Variants in ZNF470 observed in about 807,000 individuals in gnomAD.
ZNF470 encodes the protein zinc finger protein 470.
A neutral mutation model predicts 13.9 loss-of-function variants in ZNF470; 13 were observed. The ratio of observed to expected loss-of-function variants is 0.94; its 90% CI spans 0.61 to 1.49. The LOEUF (loss-of-function observed/expected upper bound fraction) is 1.49, where lower values mean the gene tolerates loss of function less well. Among genes scored for constraint, ZNF470 ranks in the 40% most tolerant of loss-of-function variants. The pLI, the probability that ZNF470 is intolerant of heterozygous loss-of-function variation, is 0.00. For missense variants in ZNF470, 929 were observed against 857.3 expected, an observed-to-expected ratio of 1.08 and a Z score of -1.04; for synonymous variants, 293 against 282.9, an observed-to-expected ratio of 1.04 and a Z score of -0.36.
rs2044513089 is a variant in ZNF470, at chr19:56,578,716, A to C, written c.*133A>C. The C allele has an allele frequency of 7.6e-7, 1 of 1,308,718 alleles. No homozygotes were observed. Among genetic ancestry groups the C allele is most frequent in the African/African-American group, 1.5e-5 (1 of 67,958 alleles). 81.1% of individuals were successfully genotyped at this position (1,308,718 alleles called of 1,614,324 possible). On this transcript the variant is annotated 3_prime_UTR_variant, in exon 6 of 6. Transcript: ENST00000330619. Reference sequence around the variant, plus strand: ...ACTGTTGCCCCTTTTGCTTCTATCAACTACATGTTTAACACTGTAGGCAGC... The same window carrying C: ...ACTGTTGCCCCTTTTGCTTCTATCACCTACATGTTTAACACTGTAGGCAGC...
Position 56,578,239 on chromosome 19 carries a change from C to G in ZNF470, c.1810C>G (p.Gln604Glu). Reference sequence around the variant, plus strand: ...TCTTGAATGTGGGAAGGCATTCAGGCAGAGGGCATCCTTGATTTGTCATCA... The same window carrying G: ...TCTTGAATGTGGGAAGGCATTCAGGGAGAGGGCATCCTTGATTTGTCATCA... ...ECLECGKAFR[Q>E]RASLICHQRC... The change falls in exon 6 of 6, where the codon CAG becomes GAG. Residue 604 changes from glutamine to glutamate, a missense_variant. Physicochemically the swap from Gln to Glu is conservative, Grantham distance 29. Transcript: ENST00000330619. 1 of 1,613,780 alleles carries G rather than the reference C, an allele frequency of 6.2e-7. No individual in the cohort carries two copies. The highest frequency in any genetic ancestry group is 8.5e-7 in the Non-Finnish European group (1 of 1,179,842).
In ZNF470 at chr19:56,570,132, A is replaced by G. The variant is rs765851481; in HGVS notation, c.-32-148A>G. Reference sequence around the variant, plus strand: ...GAGGGGAACCCCAGCTATATATTTCAAGTCTCCCAAAGAGCATCAGGACTG... The same window carrying G: ...GAGGGGAACCCCAGCTATATATTTCGAGTCTCCCAAAGAGCATCAGGACTG... On this transcript the variant is annotated intron_variant, in intron 2 of 5. Coordinates refer to ENST00000330619, the MANE Select transcript of ZNF470 (RefSeq NM_001001668.4). The G allele has an allele frequency of 3.5e-4, 204 of 588,184 alleles. 2 individuals are homozygous for G. The highest frequency in any genetic ancestry group is 4.5e-4 in the Middle Eastern group (1 of 2,202). The allele number at this position is 588,184 out of a possible 1,614,324, so 36.4% of individuals were successfully genotyped here. A position where few individuals can be genotyped will look rare whatever the true frequency, so the allele number is the denominator to read the frequency against.
Position 56,581,089 on chromosome 19 carries a change from A to G in ZNF470, c.*2506A>G. The G allele has an allele frequency of 8.1e-6, 8 of 982,044 alleles. No individual in the cohort carries two copies. Among genetic ancestry groups the G allele is most frequent in the Non-Finnish European group, 9.7e-6 (8 of 826,846 alleles). 60.8% of individuals were successfully genotyped at this position (982,044 alleles called of 1,614,324 possible). A position where few individuals can be genotyped will look rare whatever the true frequency, so the allele number is the denominator to read the frequency against. ...GTGGAAAACATCATAGTCAATAGAT[A>G]AATGAGAGACTGACACAAAGTGTTT... On this transcript the variant is annotated 3_prime_UTR_variant, in exon 6 of 6. Coordinates refer to ENST00000330619, the MANE Select transcript of ZNF470 (RefSeq NM_001001668.4).
chr19:56,571,864 A>G (rs567896777), intron 3 of ZNF470, among the ~76,000 whole-genome samples: 4 of 150,768 alleles, frequency 2.7e-5, no homozygotes, highest in Non-Finnish European at 5.9e-5. Flanking sequence ...GTGATCTGCC[A>G]GCTTTGGCCT....
intron 5 of ZNF470, among the ~76,000 whole-genome samples, chr19:56,576,292 C>T (rs1275079117): frequency 6.6e-6 from 1 of 152,018 alleles, no homozygotes; most frequent in Non-Finnish European, 1.5e-5. Context: ...CTGCCTCCCC[C>T]AAGAAAAGAA....
chr19:56,570,772 AC>A (rs756071355), intron 3 of ZNF470, among the ~76,000 whole-genome samples: 3 of 152,288 alleles, frequency 2.0e-5, no homozygotes, highest in Non-Finnish European at 4.4e-5. Context: ...GCAAACACTT[AC>A]GCAGTGTGAG....
rs1205502253 is a variant in ZNF470, at chr19:56,577,560, C to T, written c.1131C>T (p.Phe377=). The T allele has an allele frequency of 1.2e-5, 20 of 1,613,994 alleles. No homozygotes were observed. The highest frequency in any genetic ancestry group is 1.7e-5 in the Non-Finnish European group (20 of 1,180,020). The part of the protein sequence containing the change: ...PYECIDCGKA[F]RQNASLIRHR... The stretch of plus-strand genomic sequence containing the variant: ...AATGTATTGACTGTGGGAAAGCTTT[C>T]AGGCAGAATGCTTCTCTTATACGTC... The change falls in exon 6 of 6, where the codon TTC becomes TTT. Residue 377 remains phenylalanine (F), a synonymous_variant. Transcript: ENST00000330619.
intron 2 of ZNF470, 116 bp from the exon 3 acceptor site, chr19:56,570,164 G>C: frequency 8.9e-6 from 6 of 676,516 alleles, no homozygotes; most frequent in Non-Finnish European, 2.6e-6. Context: ...ACTGTGGGGT[G>C]GGGGAGTTGG....
Position 56,582,449 on chromosome 19 carries a change from A to G in ZNF470, c.*3866A>G. On this transcript the variant is annotated 3_prime_UTR_variant, in exon 6 of 6. Coordinates refer to ENST00000330619, the MANE Select transcript of ZNF470 (RefSeq NM_001001668.4). Reference sequence around the variant, plus strand: ...ATAACCAAATTTAGAGACTATTTTTATGCATTGTTAAAGTGGAATGCTGGT... The same window carrying G: ...ATAACCAAATTTAGAGACTATTTTTGTGCATTGTTAAAGTGGAATGCTGGT... The G allele has an allele frequency of 1.0e-6, 1 of 985,420 alleles. No homozygotes were observed. Among genetic ancestry groups the G allele is most frequent in the Non-Finnish European group, 1.2e-6 (1 of 829,916 alleles). 61.0% of individuals were successfully genotyped at this position (985,420 alleles called of 1,614,324 possible).
rs1204129285 is a variant in ZNF470 at position 56,568,790 on chromosome 19, A to T, written c.-126A>T. On this transcript the variant is annotated 5_prime_UTR_variant, in exon 2 of 6. An upstream open reading frame in the 5' UTR loses its in-frame stop. Coordinates refer to ENST00000330619, the MANE Select transcript of ZNF470 (RefSeq NM_001001668.4). ...CACAGAAGCATAGAGAGGATAAGTAATCACTAGCAAGTGGAAGAACCGGGA... is the reference window on the plus strand; with the variant it reads ...CACAGAAGCATAGAGAGGATAAGTATTCACTAGCAAGTGGAAGAACCGGGA... The T allele has an allele frequency of 1.3e-5, 2 of 152,204 alleles. No homozygotes were observed. Among genetic ancestry groups the T allele is most frequent in the Non-Finnish European group, 2.9e-5 (2 of 68,044 alleles). 9.4% of individuals were successfully genotyped at this position (152,204 alleles called of 1,614,324 possible). A position where few individuals can be genotyped will look rare whatever the true frequency, so the allele number is the denominator to read the frequency against.
chr19:56,576,337 T>C (rs561198422), intron 5 of ZNF470, among the ~76,000 whole-genome samples: 4 of 152,146 alleles, frequency 2.6e-5, no homozygotes, highest in Admixed American at 6.5e-5. Flanking sequence ...AGGAAAAATA[T>C]CATCAATGTT....
chr19:56,574,088 A>G (rs114517074), intron 3 of ZNF470: 335 of 386,038 alleles, frequency 8.7e-4, no homozygotes, highest in Middle Eastern at 1.3e-3. Flanking sequence ...TTGCGTTAGC[A>G]CTTGATTATA....
At chr19:56,572,541 C>CCA (rs1431449499) in intron 3 of ZNF470, among the ~76,000 whole-genome samples, 3 of 87,266 alleles carry the variant, frequency 3.4e-5, no homozygotes, top group African/African-American at 1.5e-4. Context: ...GACCCTGTCT[C>CCA]AAAAAAAAAA....
chr19:56,570,602 A>G (rs2044445332), intron 3 of ZNF470, among the ~76,000 whole-genome samples: 1 of 152,230 alleles, frequency 6.6e-6, no homozygotes, highest in South Asian at 2.1e-4. Context: ...TTTTTCATTC[A>G]GGAAATGACC....
At chr19:56,570,001 T>G (rs932347773) in intron 2 of ZNF470, among the ~76,000 whole-genome samples, 2 of 59,036 alleles carry the variant, frequency 3.4e-5, no homozygotes, top group African/African-American at 1.7e-4. Flanking sequence ...AAAAAAAAAA[T>G]GTACACACAC....
At chr19:56,576,359 T>C (rs2044488289) in intron 5 of ZNF470, among the ~76,000 whole-genome samples, 1 of 152,152 alleles carries the variant, frequency 6.6e-6, no homozygotes, top group Non-Finnish European at 1.5e-5. Context: ...TTTAAATTGT[T>C]CTGGGATAGA....
Position 56,578,326 on chromosome 19 carries a change from C to G in ZNF470, c.1897C>G (p.Arg633Gly). 6.2e-7 allele frequency: 1 copy of G among 1,612,430 alleles called. No individual in the cohort carries two copies. Among genetic ancestry groups the G allele is most frequent in the Non-Finnish European group, 8.5e-7 (1 of 1,179,214 alleles). ...TGTTTGTGGGAAAGCCTTTAGCCAT[C>G]GTAAATCCCTTACTCTGCATCAGAG... ...CNVCGKAFSH[R>G]KSLTLHQRIH... The change falls in exon 6 of 6, where the codon CGT becomes GGT. Residue 633 changes from arginine to glycine, a missense_variant. By Grantham distance (125) the Arg-to-Gly change is moderately radical. Coordinates refer to ENST00000330619, the MANE Select transcript of ZNF470 (RefSeq NM_001001668.4).
chr19:56,573,741 A>C (rs1346951618), intron 3 of ZNF470, among the ~76,000 whole-genome samples: 2 of 152,216 alleles, frequency 1.3e-5, no homozygotes, highest in Non-Finnish European at 2.9e-5. Context: ...CAGGAGTTTG[A>C]GATCAGCCTG....
At position 56,576,909 on chromosome 19, in the gene ZNF470, C is replaced by G; in HGVS notation, c.480C>G (p.Thr160=). 1 of 1,574,512 alleles carries G rather than the reference C, an allele frequency of 6.4e-7. No homozygotes were observed. Among genetic ancestry groups the G allele is most frequent in the Non-Finnish European group, 8.6e-7 (1 of 1,166,808 alleles). The change falls in exon 6 of 6, where the codon ACC becomes ACG. Residue 160 remains threonine, a synonymous_variant. Coordinates refer to ENST00000330619, the MANE Select transcript of ZNF470 (RefSeq NM_001001668.4). ...VNQKTHFRQE[T]ITHIDTLIEK... ...AGAAGACACATTTTAGGCAAGAGAC[C>G]ATCACTCATATAGATACTCTTATTG...
Sources: allele counts gnomAD v4.1 joint callset (sites outside exome capture counted in the v4.1 genomes callset), GRCh38; gene constraint gnomAD v4.1.1; transcripts MANE v1.5; gene names NCBI Gene and HGNC (gene_info 2026-07-23, HGNC 2026-07-21).